Variants in KLHL13 observed in about 807,000 individuals in gnomAD.
The protein encoded by KLHL13 is kelch-like protein 13.
A neutral mutation model predicts 37.1 loss-of-function variants in KLHL13; 10 were observed. The ratio of observed to expected loss-of-function variants is 0.27; its 90% CI spans 0.17 to 0.46. The LOEUF is 0.46. Ranked by LOEUF, KLHL13 falls within the 20% of genes least tolerant of loss-of-function variation. The pLI, the probability that KLHL13 is intolerant of heterozygous loss-of-function variation, is 1.00. For synonymous variants in KLHL13, 163 were observed against 181.2 expected (o/e 0.90, Z 0.81); for missense variants, 360 against 509.3 (o/e 0.71, Z 2.82).
chrX:117,901,703 C>A, intron 6 of KLHL13, 130 bp downstream of exon 7: 1 of 333,958 alleles, frequency 3.0e-6, no homozygotes. Context: ...CAGGATTTCA[C>A]CATGTTGGCC....
chrX:117,963,801 C>CTAT, intron 1 of KLHL13, among the ~76,000 whole-genome samples: 1 of 105,422 alleles, frequency 9.5e-6, no homozygotes, highest in African/African-American at 3.5e-5. Context: ...TTTTGATTTG[C>CTAT]ATTTCTCTGA....
At chrX:117,965,569 C>T (rs776702920) in intron 1 of KLHL13, among the ~76,000 whole-genome samples, 1 of 111,262 alleles carries the variant, frequency 9.0e-6, no homozygotes, top group South Asian at 3.8e-4. Context: ...CCAGCATCAT[C>T]CTGATACCAA....
intron 1 of KLHL13, among the ~76,000 whole-genome samples, chrX:117,953,878 A>G (rs190479115): frequency 1.8e-5 from 2 of 112,023 alleles, no homozygotes; most frequent in Non-Finnish European, 3.8e-5. Flanking sequence ...CCATAAAAAC[A>G]ATACCAACAC....
intron 1 of KLHL13, among the ~76,000 whole-genome samples, chrX:117,982,931 G>A (rs1389058899): frequency 1.8e-5 from 2 of 112,003 alleles, no homozygotes; most frequent in Admixed American, 9.5e-5. Flanking sequence ...TTCTAGGTCT[G>A]GGAGAGTCTG....
At chrX:118,073,293 G>A (rs1018317900) in intron 1 of KLHL13, among the ~76,000 whole-genome samples, 1 of 111,156 alleles carries the variant, frequency 9.0e-6, no homozygotes, top group Non-Finnish European at 1.9e-5. Flanking sequence ...GCAAGGAGGA[G>A]GAAGTCACAT....
rs1373025913 is a variant in KLHL13 at position 118,068,942 on chromosome X, G to A, written c.-56+47566C>T. On this transcript the variant is annotated intron_variant, in intron 1 of 6. Coordinates refer to the KLHL13 transcript ENST00000371882. ...TCCCCTCAGGCAGAGTTGAGGCTGC[G>A]CAGTCCCTCCTGGGGAACCCATACT... 1.3e-4 allele frequency among the ~76,000 whole-genome samples: 14 copies of A among 110,598 alleles called. No homozygotes were observed. The Admixed American group carries it at 1.3e-3, about 11-fold the overall frequency.
rs1259638652 is a variant in KLHL13 at position 117,908,099 on chromosome X, T to TTATTTATTTATG, written c.1366+1201_1366+1202insCATAAATAAATA. ...TTTATTTATTTATTTATTTATTTATTTATTTATTTATTTATTGTGTTCAAG... is the reference window on the plus strand; with the variant it reads ...TTTATTTATTTATTTATTTATTTATTTATTTATTTATGTATTTATTTATTTATTGTGTTCAAG... On this transcript the variant is annotated intron_variant, in intron 5 of 6. Coordinates refer to ENST00000262820, the Ensembl canonical transcript of KLHL13. Among the ~76,000 whole-genome samples, 203 of 106,795 alleles carry TTATTTATTTATG rather than the reference T, an allele frequency of 1.9e-3. 3 individuals are homozygous for TTATTTATTTATG. The highest frequency in any genetic ancestry group is 6.7e-3 in the African/African-American group (199 of 29,533). 92.7% of individuals were successfully genotyped at this position (106,795 alleles called of 115,157 possible).
rs1225679706 is a variant in KLHL13 at position 118,037,512 on chromosome X, C to T, written c.-56+78996G>A. The stretch of plus-strand genomic sequence containing the variant: ...CGCAAGAACAAAAAACCAAACACCG[C>T]TTATTCTCACTCATAGGTGGGAATT... On this transcript the variant is annotated intron_variant, in intron 1 of 6. Coordinates refer to the KLHL13 transcript ENST00000371882. Among the ~76,000 whole-genome samples the T allele has an allele frequency of 1.2e-3, 128 of 103,042 alleles. 12 individuals are homozygous for T. Among genetic ancestry groups the T allele is most frequent in the Non-Finnish European group, 3.9e-5 (2 of 50,857 alleles). 89.5% of individuals were successfully genotyped at this position (103,042 alleles called of 115,157 possible).
chrX:118,033,696 C>A lies in KLHL13; in HGVS notation c.-56+82812G>T, dbSNP rs747467884. 1.9e-3 allele frequency among the ~76,000 whole-genome samples: 204 copies of A among 108,532 alleles called. 1 individual carries two copies. The highest frequency in any genetic ancestry group is 1.6e-3 in the Non-Finnish European group (86 of 52,331). 94.2% of individuals were successfully genotyped at this position (108,532 alleles called of 115,157 possible). ...AACTGCATCAACTAACGAGCAAAAT[C>A]ACCAGCTAACATCATAATGACAGGA... On this transcript the variant is annotated intron_variant, in intron 1 of 6. Coordinates refer to the KLHL13 transcript ENST00000371882.
At chrX:118,068,683 A>G (rs779763423) in intron 1 of KLHL13, among the ~76,000 whole-genome samples, 1 of 111,230 alleles carries the variant, frequency 9.0e-6, no homozygotes, top group African/African-American at 3.3e-5. Context: ...AGAAGCCAAC[A>G]CTGTGCCCCA....
At chrX:118,044,140 G>A (rs1218654268) in intron 1 of KLHL13, among the ~76,000 whole-genome samples, 1 of 111,191 alleles carries the variant, frequency 9.0e-6, no homozygotes, top group Non-Finnish European at 1.9e-5. Context: ...ATTTATAATA[G>A]CCACACATAA....
intron 2 of KLHL13, among the ~76,000 whole-genome samples, chrX:117,928,999 G>A (rs1412751524): frequency 8.9e-6 from 1 of 111,804 alleles, no homozygotes; most frequent in African/African-American, 3.2e-5. Context: ...ATGAATAGAA[G>A]TGGCATAAAC....
At chrX:118,104,023 C>A (rs1398072693) in intron 1 of KLHL13, among the ~76,000 whole-genome samples, 2 of 86,667 alleles carry the variant, frequency 2.3e-5, no homozygotes, top group African/African-American at 4.7e-5. Flanking sequence ...ACAGCCTGGG[C>A]AACATACCGA....
intron 1 of KLHL13, among the ~76,000 whole-genome samples, chrX:117,989,334 C>T (rs1266809963): frequency 2.7e-5 from 3 of 110,657 alleles, no homozygotes; most frequent in Non-Finnish European, 1.9e-5. Flanking sequence ...GTGACATAGC[C>T]GCTGAGAGAA....
At chrX:117,973,643 G>T (rs1382195761) in exon 1 of KLHL13, 1 of 871,209 alleles carries the variant, frequency 1.1e-6, no homozygotes, top group African/African-American at 2.1e-5. Flanking sequence ...TCCAAGCTGA[G>T]ATGAGCAAAA....
chrX:118,079,879 TTATAC>T (rs1257885125), intron 1 of KLHL13, among the ~76,000 whole-genome samples: 1 of 111,406 alleles, frequency 9.0e-6, no homozygotes, highest in Admixed American at 9.6e-5. Context: ...TGATTTCAAA[TTATAC>T]TATAAGGTTA....
intron 2 of KLHL13, among the ~76,000 whole-genome samples, chrX:117,926,874 GC>G (rs1431785182): frequency 1.3e-5 from 1 of 75,298 alleles, no homozygotes; most frequent in Non-Finnish European, 2.5e-5. Context: ...TCCAGGAGAA[GC>G]CCCCTACTTC....
chrX:118,043,117 A>C (rs992987423), intron 1 of KLHL13, among the ~76,000 whole-genome samples: 2 of 111,453 alleles, frequency 1.8e-5, no homozygotes, highest in African/African-American at 6.5e-5. Flanking sequence ...CAAATACATG[A>C]CAATAAATTG....
intron 1 of KLHL13, among the ~76,000 whole-genome samples, chrX:118,045,246 C>T (rs987820112): frequency 3.7e-5 from 4 of 108,317 alleles, no homozygotes; most frequent in South Asian, 4.1e-4. Flanking sequence ...TGGTGGCAGG[C>T]GCCTGTAGTC....
Sources: gnomAD v4.1 joint callset for allele counts (sites outside exome capture counted in the v4.1 genomes callset) on GRCh38, gnomAD v4.1.1 for gene constraint, MANE v1.5 for transcripts, NCBI Gene and HGNC (gene_info 2026-07-23, HGNC 2026-07-21) for gene names.